The following DHX9 variants were observed in gnomAD, a reference collection of about 807,000 sequenced individuals.
DHX9 encodes the protein ATP-dependent RNA helicase A.
Under a neutral mutation model 148.7 loss-of-function variants are expected in DHX9, and 27 were observed. That is an observed-to-expected ratio of 0.18 (90% CI 0.13 to 0.25). DHX9 has a LOEUF of 0.25. Among genes scored for constraint, DHX9 ranks in the 10% least tolerant of loss-of-function variants. DHX9 has a pLI of 1.00. For missense variants in DHX9, 796 were observed against 1,559.6 expected (o/e 0.51, Z 8.25); for synonymous variants, 529 against 516.6 (o/e 1.02, Z -0.33).
At chr1:182,857,261 G>A (rs542797771) in intron 7 of DHX9, among the ~76,000 whole-genome samples, 2 of 152,294 alleles carry the variant, frequency 1.3e-5, no homozygotes, top group African/African-American at 4.8e-5. Context: ...CCTTATCGAG[G>A]TTAATTTGGC....
At chr1:182,879,119 C>T (rs531926712) in intron 20 of DHX9, 131 bp from the exon 21 acceptor site, 8 of 684,830 alleles carry the variant, frequency 1.2e-5, no homozygotes, top group Middle Eastern at 4.7e-4. Context: ...GATAAAAGGT[C>T]CGATGGTAAT....
intron 15 of DHX9, among the ~76,000 whole-genome samples, chr1:182,873,859 A>C (rs1290773377): frequency 1.3e-5 from 2 of 152,196 alleles, no homozygotes; most frequent in Non-Finnish European, 2.9e-5. Flanking sequence ...ATATACAAAA[A>C]TGAGCCTGGA....
At chr1:182,881,765 C>T (rs1649095541) in intron 24 of DHX9, 118 bp downstream of exon 24, 10 of 1,086,484 alleles carry the variant, frequency 9.2e-6, no homozygotes, top group Admixed American at 2.9e-5. Flanking sequence ...TATATATTCC[C>T]GACTATTTCT....
chr1:182,882,313 A>G (rs1267808759), intron 24 of DHX9, among the ~76,000 whole-genome samples: 1 of 152,242 alleles, frequency 6.6e-6, no homozygotes, highest in Non-Finnish European at 1.5e-5. Flanking sequence ...TTAGGAGGCT[A>G]TAAGACTAGA....
At chr1:182,849,802 CTTTTT>C (rs986079890) in intron 3 of DHX9, among the ~76,000 whole-genome samples, 1 of 150,536 alleles carries the variant, frequency 6.6e-6, no homozygotes, top group East Asian at 1.9e-4. Context: ...TATATCTTCC[CTTTTT>C]TTTTAATTGG....
At chr1:182,851,286 G>A (rs186750934) in intron 3 of DHX9, among the ~76,000 whole-genome samples, 63 of 152,090 alleles carry the variant, frequency 4.1e-4, no homozygotes, top group African/African-American at 1.3e-3. Flanking sequence ...GTAACAAAGC[G>A]CCCAAAAAAC....
At chr1:182,850,525 G>A (rs1364364502) in intron 3 of DHX9, among the ~76,000 whole-genome samples, 1 of 151,342 alleles carries the variant, frequency 6.6e-6, no homozygotes, top group African/African-American at 2.4e-5. Flanking sequence ...AGCCCAACAG[G>A]TTGGGGCTGC....
chr1:182,868,041 G>T (rs776704985), intron 14 of DHX9, among the ~76,000 whole-genome samples: 3 of 152,044 alleles, frequency 2.0e-5, no homozygotes, highest in Non-Finnish European at 4.4e-5. Context: ...GGGGTTACCA[G>T]CCATAAGTTC....
At chr1:182,875,340 A>T in intron 16 of DHX9, 2 of 382,706 alleles carry the variant, frequency 5.2e-6, no homozygotes, top group East Asian at 7.2e-5. Flanking sequence ...CTACTGAGTC[A>T]GAATCTACAG....
intron 18 of DHX9, 133 bp from the exon 19 acceptor site, chr1:182,876,697 A>G (rs1648819769): frequency 2.2e-6 from 2 of 912,098 alleles, no homozygotes; most frequent in Non-Finnish European, 3.4e-6. Flanking sequence ...ATTGTTGTTC[A>G]TTAATCAGTT....
At position 182,858,629 on chromosome 1, in the gene DHX9, A is replaced by G; in HGVS notation, c.889A>G (p.Ile297Val). 4 of 1,608,930 alleles carry G rather than the reference A, an allele frequency of 2.5e-6. No individual in the cohort carries two copies. The highest frequency in any genetic ancestry group is 3.4e-6 in the Non-Finnish European group (4 of 1,175,982). Reference sequence around the variant, plus strand: ...CATCATTCAAGAGCTAAATCTTGAGATTTTGCCCCCGGTAAGCATAAAGCT... The same window carrying G: ...CATCATTCAAGAGCTAAATCTTGAGGTTTTGCCCCCGGTAAGCATAAAGCT... ...QNIIQELNLEILPPPEDPSVP... is the reference protein window; with the variant it reads ...QNIIQELNLEVLPPPEDPSVP... The change falls in exon 9 of 28, where the codon ATT (isoleucine) becomes GTT (valine). Residue 297 changes from isoleucine to valine, a missense_variant. Ile to Val is a conservative substitution (Grantham distance 29, BLOSUM62 3). Transcript: ENST00000367549.
chr1:182,879,161 C>T, intron 20 of DHX9, 89 bp from the exon 21 acceptor site: 2 of 1,080,728 alleles, frequency 1.9e-6, no homozygotes, highest in East Asian at 2.6e-5. Context: ...AAAGGCAGCT[C>T]TGTATCCCTG....
chr1:182,849,386 T>C (rs1321841914), intron 3 of DHX9, among the ~76,000 whole-genome samples: 3 of 152,240 alleles, frequency 2.0e-5, no homozygotes, highest in Admixed American at 6.5e-5. Context: ...TTTCAGTTTT[T>C]AACTAAAACA....
intron 11 of DHX9, among the ~76,000 whole-genome samples, chr1:182,859,756 G>C (rs1668323210): frequency 6.6e-6 from 1 of 152,084 alleles, no homozygotes; most frequent in African/African-American, 2.4e-5. Flanking sequence ...GGGATTACAG[G>C]CACACCCCAC....
At chr1:182,875,204 T>C (rs1318834158) in intron 16 of DHX9, 6 of 511,252 alleles carry the variant, frequency 1.2e-5, no homozygotes, top group Non-Finnish European at 1.9e-5. Context: ...AAGAATGCGA[T>C]GTTTAAAGGC....
chr1:182,866,746 T>A (rs375368928), intron 13 of DHX9, among the ~76,000 whole-genome samples, 161 bp downstream of exon 13: 1 of 152,234 alleles, frequency 6.6e-6, no homozygotes, highest in East Asian at 1.9e-4. Flanking sequence ...AAGTATGATA[T>A]ACCCATTAGA....
chr1:182,843,265 T>G, intron 2 of DHX9, 29 bp from the exon 3 acceptor site: 2 of 1,523,944 alleles, frequency 1.3e-6, no homozygotes, highest in Admixed American at 2.4e-5. Context: ...CCCAGGTCAG[T>G]CTCTTAGTAC....
intron 7 of DHX9, 83 bp from the exon 8 acceptor site, chr1:182,858,021 G>T (rs41272522): frequency 7.0e-7 from 1 of 1,425,392 alleles, no homozygotes; most frequent in Non-Finnish European, 9.5e-7. Flanking sequence ...TCTTGTGTAC[G>T]TAAGCCCATA....
At chr1:182,853,220 C>T (rs572222144) in intron 4 of DHX9, 86 bp from the exon 5 acceptor site, 55 of 960,400 alleles carry the variant, frequency 5.7e-5, no homozygotes, top group African/African-American at 2.2e-4. Context: ...CCTCCATGCC[C>T]GGCCATAAAT....
Sources: gnomAD v4.1 joint callset for allele counts (sites outside exome capture counted in the v4.1 genomes callset) on GRCh38, gnomAD v4.1.1 for gene constraint, MANE v1.5 for transcripts, NCBI Gene and HGNC (gene_info 2026-07-23, HGNC 2026-07-21) for gene names.